Variants in SENP1 observed in about 807,000 individuals in gnomAD.
The protein encoded by SENP1 is sentrin-specific protease 1.
A neutral mutation model predicts 93.0 loss-of-function variants in SENP1; 21 were observed. The ratio of observed to expected loss-of-function variants is 0.23; its 90% confidence interval spans 0.16 to 0.33. The LOEUF (loss-of-function observed/expected upper bound fraction) is 0.33, where lower values mean the gene tolerates loss of function less well. SENP1 is among the 10% of genes least tolerant of loss of function. SENP1 has a pLI of 1.00. For synonymous variants in SENP1, 256 were observed against 259.6 expected (o/e 0.99, Z 0.13); for missense variants, 591 against 758.7 (o/e 0.78, Z 2.60).
chr12:48,092,133 C>A (rs1045792103), intron 4 of SENP1, among the ~76,000 whole-genome samples: 1 of 152,068 alleles, frequency 6.6e-6, no homozygotes, highest in Non-Finnish European at 1.5e-5. Context: ...AGTTCCAGAT[C>A]CTAGATCCTA....
In SENP1 at chr12:48,074,553, A is replaced by C. The variant is rs1943931258; in HGVS notation, c.711T>G (p.Asn237Lys). 5.0e-6 allele frequency: 8 copies of C among 1,613,770 alleles called. No homozygotes were observed. Among genetic ancestry groups the C allele is most frequent in the Non-Finnish European group, 6.8e-6 (8 of 1,179,728 alleles). The change falls in exon 8 of 18, where the codon AAT becomes AAG. Residue 237 changes from asparagine (N) to lysine (K), a missense_variant. Coordinates refer to ENST00000549518, the MANE Select transcript of SENP1 (RefSeq NM_001267594.2). ...TGATCTGAGATGCACAAGAGTTTCC[A>C]TTTTTAAACAGTGAGTCTTTCAAAG... ...KNTLKDSLFK[N>K]GNSCASQIIG...
intron 1 of SENP1, among the ~76,000 whole-genome samples, chr12:48,102,368 G>T (rs1484493199): frequency 6.8e-6 from 1 of 147,182 alleles, no homozygotes; most frequent in South Asian, 2.2e-4. Flanking sequence ...GGAAGCAGAG[G>T]TTGCAGTAAG....
chr12:48,048,127 C>T lies in SENP1; in HGVS notation c.1612-47G>A, dbSNP rs748325755. 37 of 1,326,952 alleles carry T rather than the reference C, an allele frequency of 2.8e-5. 1 individual carries two copies. The highest frequency in any genetic ancestry group is 2.7e-4 in the African/African-American group (18 of 67,064). The allele number at this position is 1,326,952 out of a possible 1,614,324, so 82.2% of individuals were successfully genotyped here. On this transcript the variant is annotated intron_variant, in intron 14 of 17. Transcript: ENST00000549518. Reference sequence around the variant, plus strand: ...TCTGTGTTTATGAGATGAAGAAAATCGGTTTATCAGTTTTTCCCTTCCCTG... The same window carrying T: ...TCTGTGTTTATGAGATGAAGAAAATTGGTTTATCAGTTTTTCCCTTCCCTG...
At chr12:48,098,335 TA>T (rs1945700945) in intron 2 of SENP1, among the ~76,000 whole-genome samples, 1 of 151,202 alleles carries the variant, frequency 6.6e-6, no homozygotes, top group Non-Finnish European at 1.5e-5. Flanking sequence ...ACCCTGTCTC[TA>T]CAAAAAAATT....
intron 13 of SENP1, among the ~76,000 whole-genome samples, chr12:48,061,401 G>T (rs1011242846): frequency 1.3e-5 from 2 of 152,134 alleles, no homozygotes; most frequent in African/African-American, 4.8e-5. Context: ...CTGAGAAACA[G>T]AATTAAGTTT....
intron 13 of SENP1, among the ~76,000 whole-genome samples, chr12:48,058,522 A>G (rs1942741635): frequency 6.6e-6 from 1 of 151,848 alleles, no homozygotes; most frequent in Admixed American, 6.6e-5. Flanking sequence ...TGGTTACTCT[A>G]TGATTTACTA....
rs1565729571 is a variant in SENP1 at position 48,048,017 on chromosome 12, C to T, written c.1675G>A (p.Ala559Thr). ...YDSMGGINNEACRILLQYLKQ... is the reference protein window; with the variant it reads ...YDSMGGINNETCRILLQYLKQ... ...CCTACTTACAAGAGTATTCTGCAGG[C>T]TTCATTGTTTATCCCACCCATGGAG... Residue 559 changes from alanine to threonine, a missense_variant, in exon 15 of 18, where the codon GCC becomes ACC. By Grantham distance (58) the Ala-to-Thr change is moderately conservative. Transcript: ENST00000549518. The T allele has an allele frequency of 6.2e-7, 1 of 1,605,158 alleles. No homozygotes were observed. The highest frequency in any genetic ancestry group is 2.2e-5 in the East Asian group (1 of 44,796).
intron 9 of SENP1, among the ~76,000 whole-genome samples, chr12:48,070,880 C>T (rs566234196): frequency 2.6e-5 from 4 of 152,034 alleles, no homozygotes; most frequent in Non-Finnish European, 5.9e-5. Flanking sequence ...TCGCTTGAGG[C>T]TAGGAGTACA....
At chr12:48,055,015 T>C (rs1452253665) in intron 13 of SENP1, 2 of 224,398 alleles carry the variant, frequency 8.9e-6, no homozygotes, top group African/African-American at 4.6e-5. Context: ...GGTGTAGGTG[T>C]TGTTCCTGCA....
chr12:48,081,265 G>A (rs1169590702), intron 6 of SENP1: 1 of 152,036 alleles, frequency 6.6e-6, no homozygotes, highest in Non-Finnish European at 1.5e-5. Flanking sequence ...ATAAAATAAT[G>A]TAAATATAAT....
Position 48,056,967 on chromosome 12 carries a change from TATATTAC to T in SENP1, c.1407+6736_1407+6742del, listed in dbSNP as rs1409173647. Among the ~76,000 whole-genome samples, 212 of 45,812 alleles carry T rather than the reference TATATTAC, an allele frequency of 4.6e-3. 30 individuals are homozygous for T. The highest frequency in any genetic ancestry group is 5.6e-3 in the Non-Finnish European group (184 of 32,932). The allele number at this position is 45,812 out of a possible 152,430, so 30.1% of individuals were successfully genotyped here. On this transcript the variant is annotated intron_variant, in intron 13 of 17. Coordinates refer to ENST00000549518, the MANE Select transcript of SENP1 (RefSeq NM_001267594.2). Reference sequence around the variant, plus strand: ...ATTACATATATAATATATTATTTAATATATTACATATTACATATATAAATATATTATT... The same window carrying T: ...ATTACATATATAATATATTATTTAATATATTACATATATAAATATATTATT...
At chr12:48,104,047 C>A (rs189139263) in intron 1 of SENP1, among the ~76,000 whole-genome samples, 5 of 151,670 alleles carry the variant, frequency 3.3e-5, no homozygotes, top group Non-Finnish European at 4.4e-5. Flanking sequence ...CCTGTCTCTA[C>A]GAAAAATACA....
At position 48,065,055 on chromosome 12, in the gene SENP1, T is replaced by G; in HGVS notation, c.1275+10A>C. 1 of 1,545,712 alleles carries G rather than the reference T, an allele frequency of 6.5e-7. No individual in the cohort carries two copies. The highest frequency in any genetic ancestry group is 8.9e-7 in the Non-Finnish European group (1 of 1,119,136). On this transcript the variant is annotated intron_variant, in intron 12 of 17. Transcript: ENST00000549518. Reference sequence around the variant, plus strand: ...CTTAGTAGTGTAGAAATTAAGTGTATGTAACTTACCTCTGTAATTTCAGGA... The same window carrying G: ...CTTAGTAGTGTAGAAATTAAGTGTAGGTAACTTACCTCTGTAATTTCAGGA...
At chr12:48,079,891 T>C (rs929981104) in intron 6 of SENP1, among the ~76,000 whole-genome samples, 1 of 152,214 alleles carries the variant, frequency 6.6e-6, no homozygotes, top group Admixed American at 6.5e-5. Flanking sequence ...AGTGCAAATT[T>C]CAATAATTTT....
At chr12:48,081,396 A>G (rs1030519461) in intron 6 of SENP1, 8 of 152,112 alleles carry the variant, frequency 5.3e-5, no homozygotes, top group African/African-American at 1.7e-4. Context: ...CAACGATGAC[A>G]TGAAAATTTG....
At chr12:48,065,757 T>C in intron 10 of SENP1, 77 bp from the exon 11 acceptor site, 1 of 859,910 alleles carries the variant, frequency 1.2e-6, no homozygotes, top group East Asian at 2.7e-5. Flanking sequence ...CACTGAATAT[T>C]AAATACAGGA....
At chr12:48,096,466 T>TC in intron 3 of SENP1, 39 bp from the exon 4 acceptor site, 1 of 1,414,192 alleles carries the variant, frequency 7.1e-7, no homozygotes. Context: ...TCACATTTTT[T>TC]TTTTTTTTGA....
intron 4 of SENP1, 32 bp from the exon 5 acceptor site, chr12:48,088,992 A>C: frequency 6.3e-7 from 1 of 1,579,720 alleles, no homozygotes; most frequent in Non-Finnish European, 8.6e-7. Flanking sequence ...TAAATTAAAC[A>C]AATTCTACAG....
chr12:48,050,370 G>A (rs1406856317), intron 13 of SENP1, among the ~76,000 whole-genome samples: 1 of 152,234 alleles, frequency 6.6e-6, no homozygotes, highest in Non-Finnish European at 1.5e-5. Flanking sequence ...GCACGGTCTA[G>A]ACCAGAGAAA....
Sources: allele counts gnomAD v4.1 joint callset (sites outside exome capture counted in the v4.1 genomes callset), GRCh38; gene constraint gnomAD v4.1.1; transcripts MANE v1.5; gene names NCBI Gene and HGNC (gene_info 2026-07-23, HGNC 2026-07-21).